P4HA3: variants seen among roughly 807,000 people sequenced by gnomAD.
The protein encoded by P4HA3 is prolyl 4-hydroxylase subunit alpha-3.
Under a neutral mutation model 66.7 loss-of-function variants are expected in P4HA3, and 60 were observed. The observed-to-expected ratio is 0.90, with a 90% confidence interval of 0.73 to 1.12. The LOEUF (loss-of-function observed/expected upper bound fraction) is 1.12, where lower values mean the gene tolerates loss of function less well. Ranked by LOEUF, P4HA3 falls within the 50% of genes most tolerant of loss-of-function variation. The probability of loss-of-function intolerance (pLI) is 0.00; values close to 1 mark genes in which losing one functional copy is unlikely to be tolerated. For synonymous variants in P4HA3, 263 were observed against 274.6 expected, an observed-to-expected ratio of 0.96 and a Z score of 0.42; for missense variants, 683 against 685.8, an observed-to-expected ratio of 1.00 and a Z score of 0.05.
chr11:74,285,045 A>G (rs1256613395), intron 7 of P4HA3, among the ~76,000 whole-genome samples: 1 of 152,122 alleles, frequency 6.6e-6, no homozygotes, highest in Non-Finnish European at 1.5e-5. Flanking sequence ...TTATAATTAT[A>G]TGTTATAATT....
At chr11:74,305,654 G>A (rs1861558407) in intron 1 of P4HA3, among the ~76,000 whole-genome samples, 4 of 152,178 alleles carry the variant, frequency 2.6e-5, no homozygotes. Flanking sequence ...ATCTACACGA[G>A]TTATTTGCTA....
intron 11 of P4HA3, 141 bp from the exon 12 acceptor site, chr11:74,268,382 C>T: frequency 1.4e-6 from 1 of 696,138 alleles, no homozygotes; most frequent in Non-Finnish European, 2.5e-6. Context: ...TAAAATGGCA[C>T]AAAATGGCAT....
In P4HA3 at chr11:74,269,640, G is replaced by A. The variant is rs764046773; in HGVS notation, c.1467+12C>T. 3 of 1,610,674 alleles carry A rather than the reference G, an allele frequency of 1.9e-6. No homozygotes were observed. The highest frequency in any genetic ancestry group is 2.2e-5 in the South Asian group (2 of 90,566). On this transcript the variant is annotated intron_variant, in intron 11 of 12. Transcript: ENST00000331597. ...CCTCAACCCCGTCTTCTGGGACCAGGGCCCCACTCACCCTAACCACAGGCA... is the reference window on the plus strand; with the variant it reads ...CCTCAACCCCGTCTTCTGGGACCAGAGCCCCACTCACCCTAACCACAGGCA...
chr11:74,309,762 T>C (rs1462869217), intron 1 of P4HA3, among the ~76,000 whole-genome samples: 2 of 152,216 alleles, frequency 1.3e-5, no homozygotes, highest in East Asian at 3.8e-4. Flanking sequence ...CATACCTATA[T>C]TGTATATTGT....
intron 7 of P4HA3, among the ~76,000 whole-genome samples, chr11:74,281,642 C>T (rs1314723416): frequency 6.6e-6 from 1 of 152,184 alleles, no homozygotes; most frequent in African/African-American, 2.4e-5. Context: ...CCAAACACCA[C>T]ATATTCTCAC....
At chr11:74,255,095 G>A (rs1859801201) in intron 15 of P4HA3, among the ~76,000 whole-genome samples, 2 of 152,144 alleles carry the variant, frequency 1.3e-5, no homozygotes, top group African/African-American at 4.8e-5. Flanking sequence ...ATGACCAAAA[G>A]CCACTTCATA....
At chr11:74,254,525 G>T (rs145942565) in intron 15 of P4HA3, 2,013 of 153,178 alleles carry the variant, frequency 0.013, 22 homozygotes, top group Non-Finnish European at 0.02. Flanking sequence ...GGGCAGGAAG[G>T]GGCAGTGTCC....
chr11:74,257,063 T>C (rs1245976184), intron 15 of P4HA3, among the ~76,000 whole-genome samples: 1 of 152,106 alleles, frequency 6.6e-6, no homozygotes, highest in South Asian at 2.1e-4. Flanking sequence ...TGTAAGAAGG[T>C]TGGGGGTGGG....
intron 11 of P4HA3, among the ~76,000 whole-genome samples, chr11:74,268,556 A>T (rs1375381866): frequency 6.6e-6 from 1 of 152,250 alleles, no homozygotes; most frequent in Non-Finnish European, 1.5e-5. Flanking sequence ...TTCTGGGAGA[A>T]AGGTGAGCAC....
At chr11:74,262,012 T>C (rs1859914676), downstream of P4HA3, among the ~76,000 whole-genome samples, 1 of 152,178 alleles carries the variant, frequency 6.6e-6, no homozygotes, top group African/African-American at 2.4e-5. Context: ...ACTACTGCCC[T>C]CCAGTCCCAT....
intron 15 of P4HA3, chr11:74,253,836 A>AT (rs1859766926): frequency 2.1e-6 from 1 of 481,608 alleles, no homozygotes; most frequent in African/African-American, 2.0e-5. Flanking sequence ...TCTTCCTAGC[A>AT]TCAGGCGATA....
chr11:74,302,201 A>C (rs112962061), intron 3 of P4HA3, among the ~76,000 whole-genome samples, 168 bp downstream of exon 3: 5 of 152,338 alleles, frequency 3.3e-5, no homozygotes, highest in African/African-American at 1.2e-4. Context: ...TCTTAGGGCA[A>C]GTTATTTACC....
At chr11:74,296,890 G>A (rs1056974182) in intron 4 of P4HA3, among the ~76,000 whole-genome samples, 1 of 151,446 alleles carries the variant, frequency 6.6e-6, no homozygotes, top group Non-Finnish European at 1.5e-5. Context: ...AATTTAGCAG[G>A]AGAGTTAGGA....
intron 15 of P4HA3, chr11:74,251,163 A>G (rs1426306369): frequency 2.0e-5 from 29 of 1,472,868 alleles, no homozygotes; most frequent in South Asian, 5.6e-5. Context: ...CAGCTCTCCA[A>G]CTTCTCCCTG....
chr11:74,279,425 C>G lies in P4HA3; in HGVS notation c.1138G>C (p.Glu380Gln), dbSNP rs1454875823. The change falls in exon 8 of 13, where the codon GAG (glutamate) becomes CAG (glutamine). Residue 380 changes from glutamate (E) to glutamine (Q), a missense_variant. Coordinates refer to ENST00000331597, the MANE Select transcript of P4HA3 (RefSeq NM_182904.5). ...WLQRSVVASG[E>Q]KQLQVEYRIS... ...CGGTACTCCACTTGTAACTGCTTCT[C>G]CCCTGATGCCACCACTGACCTCTGT... 1 of 1,613,784 alleles carries G rather than the reference C, an allele frequency of 6.2e-7. No individual in the cohort carries two copies.
intron 11 of P4HA3, among the ~76,000 whole-genome samples, chr11:74,268,513 A>G (rs1275601480): frequency 1.3e-5 from 2 of 152,264 alleles, no homozygotes; most frequent in Non-Finnish European, 2.9e-5. Flanking sequence ...AGAAACAGAC[A>G]TAAAACAGAC....
chr11:74,289,930 A>G (rs1366660780), intron 4 of P4HA3, among the ~76,000 whole-genome samples: 1 of 152,214 alleles, frequency 6.6e-6, no homozygotes, highest in African/African-American at 2.4e-5. Flanking sequence ...TTATAGCAGC[A>G]TGATTTATAA....
intron 12 of P4HA3, 95 bp from the exon 13 acceptor site, chr11:74,267,413 GC>G: frequency 6.9e-7 from 1 of 1,449,322 alleles, no homozygotes. Context: ...GCGTGTGAGT[GC>G]CCCCTTAAAT....
At position 74,279,376 on chromosome 11, in the gene P4HA3, G is replaced by A. The variant is rs1860512899; in HGVS notation, c.1175+12C>T. ...TGGGCAGCAGGTATGACCAAGGAAG[G>A]GCCCTTCTTACCTTTTGCTGATGCG... On this transcript the variant is annotated intron_variant, in intron 8 of 12. Transcript: ENST00000331597. 1 of 1,613,144 alleles carries A rather than the reference G, an allele frequency of 6.2e-7. No individual in the cohort carries two copies.
Sources: allele counts gnomAD v4.1 joint callset (sites outside exome capture counted in the v4.1 genomes callset), GRCh38; gene constraint gnomAD v4.1.1; transcripts MANE v1.5; gene names NCBI Gene and HGNC (gene_info 2026-07-23, HGNC 2026-07-21).